Variants in BACH2 observed in about 807,000 individuals in gnomAD.
BACH2 encodes the protein transcription regulator protein BACH2.
A neutral mutation model predicts 61.8 loss-of-function variants in BACH2; 5 were observed. That is an observed-to-expected ratio of 0.08 (90% CI 0.04 to 0.17). The LOEUF (loss-of-function observed/expected upper bound fraction) is 0.17, where lower values mean the gene tolerates loss of function less well. BACH2 is among the 10% of genes least tolerant of loss of function. The pLI is 1.00. For missense variants in BACH2, 824 were observed against 1,091.1 expected, an observed-to-expected ratio of 0.76 and a Z score of 3.45; for synonymous variants, 446 against 440.1, an observed-to-expected ratio of 1.01 and a Z score of -0.17.
intron 2 of BACH2, among the ~76,000 whole-genome samples, chr6:90,253,019 C>T (rs144236316): frequency 1.4e-4 from 21 of 152,268 alleles, no homozygotes; most frequent in South Asian, 6.2e-4. Flanking sequence ...CCAAAGCAGG[C>T]GGACCACTTG....
chr6:90,021,548 T>C (rs1278089147), intron 5 of BACH2, among the ~76,000 whole-genome samples: 1 of 152,192 alleles, frequency 6.6e-6, no homozygotes, highest in East Asian at 1.9e-4. Context: ...AACACTAAAT[T>C]ATTTAGTAAT....
intron 7 of BACH2, among the ~76,000 whole-genome samples, chr6:89,943,067 C>T (rs960864157): frequency 1.3e-5 from 2 of 152,180 alleles, no homozygotes; most frequent in African/African-American, 4.8e-5. Context: ...CTTCCTTGGC[C>T]TCCCAAACTG....
intron 5 of BACH2, among the ~76,000 whole-genome samples, chr6:90,080,392 G>T (rs1205376150): frequency 6.6e-6 from 1 of 151,974 alleles, no homozygotes; most frequent in East Asian, 1.9e-4. Flanking sequence ...TTCTCCACCT[G>T]ATAACCTGAA....
intron 5 of BACH2, among the ~76,000 whole-genome samples, chr6:90,014,944 A>ATTTTT (rs386407909): frequency 4.9e-4 from 65 of 133,632 alleles, no homozygotes; most frequent in African/African-American, 1.8e-3. Context: ...ATGTTCAGCT[A>ATTTTT]TTTTTTTTTT....
chr6:90,244,476 TG>T (rs1303654273), intron 3 of BACH2, among the ~76,000 whole-genome samples: 2 of 152,192 alleles, frequency 1.3e-5, no homozygotes, highest in African/African-American at 4.8e-5. Context: ...CTAGAATCCT[TG>T]GATAATGGCT....
At chr6:90,000,225 CA>C (rs768409290) in intron 6 of BACH2, among the ~76,000 whole-genome samples, 1 of 152,182 alleles carries the variant, frequency 6.6e-6, no homozygotes, top group Non-Finnish European at 1.5e-5. Context: ...TGCCTTACCG[CA>C]ACTCCATCCG....
At chr6:90,140,113 C>A (rs1396554268) in intron 4 of BACH2, among the ~76,000 whole-genome samples, 1 of 152,168 alleles carries the variant, frequency 6.6e-6, no homozygotes, top group Non-Finnish European at 1.5e-5. Context: ...CACTCATGTT[C>A]CAAGGAACCC....
At chr6:90,117,706 G>A (rs1470217527) in intron 4 of BACH2, among the ~76,000 whole-genome samples, 1 of 152,042 alleles carries the variant, frequency 6.6e-6, no homozygotes, top group Non-Finnish European at 1.5e-5. Flanking sequence ...TCCCATCAAA[G>A]ACAAAACAGG....
chr6:90,206,860 G>A lies in BACH2; in HGVS notation c.-274-179C>T, dbSNP rs116343476. Among the ~76,000 whole-genome samples, 1,369 of 152,212 alleles carry A rather than the reference G, an allele frequency of 9.0e-3. 16 individuals are homozygous for A. Among genetic ancestry groups the A allele is most frequent in the African/African-American group, 0.03 (1,264 of 41,516 alleles). The stretch of plus-strand genomic sequence containing the variant: ...CACTTGAAAAGCAGCTAGTGCAAAC[G>A]GGGGCTGCCAGGACTCAACAGCTAG... On this transcript the variant is annotated intron_variant, in intron 3 of 8. Coordinates refer to ENST00000257749, the MANE Select transcript of BACH2 (RefSeq NM_021813.4).
intron 4 of BACH2, among the ~76,000 whole-genome samples, chr6:90,172,163 G>A (rs554915286): frequency 1.3e-5 from 2 of 151,974 alleles, no homozygotes; most frequent in Non-Finnish European, 2.9e-5. Context: ...AAAATTAGCT[G>A]GGCGTGGTGG....
At chr6:90,295,923 C>G in intron 1 of BACH2, among the ~76,000 whole-genome samples, 1 of 152,254 alleles carries the variant, frequency 6.6e-6, no homozygotes, top group East Asian at 2.0e-4. Context: ...CGGCGGCTGA[C>G]AGCTGAGCGC....
At chr6:90,014,466 ATATT>A (rs1777936597) in intron 5 of BACH2, among the ~76,000 whole-genome samples, 1 of 50,958 alleles carries the variant, frequency 2.0e-5, no homozygotes, top group Non-Finnish European at 3.2e-5. Flanking sequence ...ATATATATAT[ATATT>A]TTTTTTTTTT....
intron 4 of BACH2, among the ~76,000 whole-genome samples, chr6:90,145,512 C>T (rs143497257): frequency 2.6e-5 from 4 of 152,300 alleles, no homozygotes; most frequent in African/African-American, 9.6e-5. Context: ...CTAGTTCACA[C>T]ACATATAAAC....
At chr6:89,996,151 G>C (rs569442419) in intron 6 of BACH2, among the ~76,000 whole-genome samples, 1 of 152,260 alleles carries the variant, frequency 6.6e-6, no homozygotes, top group East Asian at 1.9e-4. Flanking sequence ...CACATGTAAA[G>C]CACTACGGAT....
rs372239983 is a variant in BACH2, at chr6:89,982,902, C to T, written c.243+25700G>A. On this transcript the variant is annotated intron_variant, in intron 6 of 8. Transcript: ENST00000257749. ...CCATTCTAACAAATGTTTTCTTTTC[C>T]CCATTCCTGCAGAATGTTTTTCATT... Among the ~76,000 whole-genome samples, 37 of 152,266 alleles carry T rather than the reference C, an allele frequency of 2.4e-4. 2 individuals carry two copies. Among genetic ancestry groups the T allele is most frequent in the Middle Eastern group, 3.4e-3 (1 of 294 alleles).
chr6:90,128,367 G>A (rs1338449223), intron 4 of BACH2, among the ~76,000 whole-genome samples: 1 of 152,142 alleles, frequency 6.6e-6, no homozygotes, highest in South Asian at 2.1e-4. Context: ...TGGATCACGA[G>A]GTAAAGAGAT....
intron 8 of BACH2, among the ~76,000 whole-genome samples, chr6:89,937,744 T>C (rs1297242903): frequency 6.6e-6 from 1 of 152,198 alleles, no homozygotes; most frequent in Admixed American, 6.5e-5. Flanking sequence ...TTGGTCAGGC[T>C]GGTTTCAAAC....
chr6:90,211,985 T>C (rs757906415), intron 3 of BACH2, among the ~76,000 whole-genome samples: 10 of 152,196 alleles, frequency 6.6e-5, no homozygotes, highest in Non-Finnish European at 1.2e-4. Context: ...CCAAGAGCTT[T>C]TGGAGAAGGA....
chr6:90,003,612 T>C (rs1777249077), intron 6 of BACH2, among the ~76,000 whole-genome samples: 1 of 152,174 alleles, frequency 6.6e-6, no homozygotes, highest in Admixed American at 6.5e-5. Context: ...ATTTGTTGAA[T>C]GAATAAATAA....
Sources: allele counts gnomAD v4.1 joint callset (sites outside exome capture counted in the v4.1 genomes callset), GRCh38; gene constraint gnomAD v4.1.1; transcripts MANE v1.5; gene names NCBI Gene and HGNC (gene_info 2026-07-23, HGNC 2026-07-21).